SLC2A13: variants seen among roughly 807,000 people sequenced by gnomAD.
The protein encoded by SLC2A13 is solute carrier family 2 member 13.
In SLC2A13, 32 loss-of-function variants were observed where a neutral mutation model predicts 64.4. The ratio of observed to expected loss-of-function variants is 0.50; its 90% confidence interval spans 0.37 to 0.67. The LOEUF (loss-of-function observed/expected upper bound fraction) is 0.67, where lower values mean the gene tolerates loss of function less well. Ranked by LOEUF, SLC2A13 falls within the 30% of genes least tolerant of loss-of-function variation. The pLI is 0.00. For missense variants in SLC2A13, 743 were observed against 829.2 expected (o/e 0.90, Z 1.28); for synonymous variants, 338 against 327.1 (o/e 1.03, Z -0.36).
At chr12:39,852,676 C>A (rs577252647) in intron 6 of SLC2A13, among the ~76,000 whole-genome samples, 134 of 152,286 alleles carry the variant, frequency 8.8e-4, no homozygotes, top group African/African-American at 3.2e-3. Context: ...CAACTTTCCA[C>A]GCTCAAGGAA....
At chr12:39,821,516 T>A (rs939146857) in intron 7 of SLC2A13, among the ~76,000 whole-genome samples, 4 of 152,144 alleles carry the variant, frequency 2.6e-5, no homozygotes, top group African/African-American at 7.2e-5. Context: ...AGAGAGCGAA[T>A]TGCAGTGGGA....
chr12:39,951,146 T>C, intron 4 of SLC2A13, 111 bp downstream of exon 4: 1 of 864,834 alleles, frequency 1.2e-6, no homozygotes, highest in South Asian at 2.4e-5. Flanking sequence ...TTCATACATT[T>C]AATCAGAACA....
At chr12:40,056,937 G>A (rs17489302) in intron 1 of SLC2A13, among the ~76,000 whole-genome samples, 390 of 152,052 alleles carry the variant, frequency 2.6e-3, no homozygotes, top group African/African-American at 9.0e-3. Flanking sequence ...TCGAGATCGC[G>A]CCATTGCACT....
chr12:39,858,226 G>T (rs561559421), intron 6 of SLC2A13, among the ~76,000 whole-genome samples: 166 of 152,226 alleles, frequency 1.1e-3, no homozygotes, highest in African/African-American at 3.9e-3. Flanking sequence ...TGGCAATAAG[G>T]TCACAGGATG....
intron 3 of SLC2A13, among the ~76,000 whole-genome samples, chr12:39,952,679 C>A (rs1403459029): frequency 6.6e-6 from 1 of 152,088 alleles, no homozygotes; most frequent in Non-Finnish European, 1.5e-5. Flanking sequence ...CGTTGATGGT[C>A]ATTCAAAGCT....
intron 7 of SLC2A13, among the ~76,000 whole-genome samples, chr12:39,800,465 C>T (rs1941749323): frequency 7.2e-6 from 1 of 138,942 alleles, no homozygotes; most frequent in African/African-American, 2.7e-5. Context: ...CAAAAGAAGA[C>T]ATTTATGCAG....
intron 7 of SLC2A13, among the ~76,000 whole-genome samples, chr12:39,765,227 T>C (rs111496010): frequency 6.6e-6 from 1 of 152,080 alleles, no homozygotes; most frequent in Admixed American, 6.5e-5. Context: ...CAGAGCCAGA[T>C]ACTTTTCATC....
intron 4 of SLC2A13, among the ~76,000 whole-genome samples, chr12:39,948,453 G>A (rs2136097229): frequency 6.6e-6 from 1 of 152,142 alleles, no homozygotes; most frequent in Middle Eastern, 3.4e-3. Context: ...TAGTAAATAG[G>A]TCAAGGGAAT....
rs758321917 is a variant in SLC2A13 at position 40,105,519 on chromosome 12, T to C, written c.290A>G (p.Tyr97Cys). The stretch of plus-strand genomic sequence containing the variant: ...GGCCCCTGACACCACCCCGGTGTCA[T>C]AGCCAAACAGGAAGCCGCCCAGCGC... ...FSALGGFLFGYDTGVVSGAML... is the reference protein window; with the variant it reads ...FSALGGFLFGCDTGVVSGAML... The change falls in exon 1 of 10, where the codon TAT becomes TGT. Residue 97 changes from tyrosine (Y) to cysteine (C), a missense_variant. Physicochemically the swap from Tyr to Cys is radical, Grantham distance 194. Coordinates refer to ENST00000280871, the MANE Select transcript of SLC2A13 (RefSeq NM_052885.4). The surrounding 1 kb of genome is among the most constrained non-coding windows in gnomAD (Gnocchi z 4.2). 2.8e-5 allele frequency: 45 copies of C among 1,581,754 alleles called. No individual in the cohort carries two copies. Among genetic ancestry groups the C allele is most frequent in the Middle Eastern group, 1.7e-4 (1 of 5,970 alleles).
intron 7 of SLC2A13, among the ~76,000 whole-genome samples, chr12:39,777,468 A>G (rs1197731966): frequency 6.6e-6 from 1 of 152,192 alleles, no homozygotes; most frequent in Non-Finnish European, 1.5e-5. Context: ...GGGAAGTGCT[A>G]GGTAGAGGAG....
intron 3 of SLC2A13, among the ~76,000 whole-genome samples, chr12:40,026,849 G>A (rs1947817758): frequency 6.6e-6 from 1 of 152,186 alleles, no homozygotes; most frequent in South Asian, 2.1e-4. Flanking sequence ...GGAGGCCAAG[G>A]TGGGCAGATC....
chr12:39,788,388 A>G lies in SLC2A13; in HGVS notation c.1446-23530T>C, dbSNP rs1232299799. ...GTGCAATAGTGCAACAGGAAATCTGATAACTGAGAAGACTACTAAATGATT... is the reference window on the plus strand; with the variant it reads ...GTGCAATAGTGCAACAGGAAATCTGGTAACTGAGAAGACTACTAAATGATT... On this transcript the variant is annotated intron_variant, in intron 7 of 9. Transcript: ENST00000280871. Among the ~76,000 whole-genome samples the G allele has an allele frequency of 3.3e-5, 5 of 152,194 alleles. No individual in the cohort carries two copies. In the East Asian group the frequency reaches 9.6e-4, roughly 29 times the overall value.
chr12:39,896,322 A>G (rs982038976), intron 4 of SLC2A13, among the ~76,000 whole-genome samples: 221 of 86,992 alleles, frequency 2.5e-3, no homozygotes, highest in Non-Finnish European at 3.2e-3. Context: ...ATATGTATGT[A>G]TATGTGTATA....
chr12:40,007,943 A>G (rs28370760), intron 3 of SLC2A13, among the ~76,000 whole-genome samples: 3,532 of 152,300 alleles, frequency 0.023, 148 homozygotes, highest in African/African-American at 0.08. Context: ...ATAATATACA[A>G]TGGGTTTTAC....
chr12:39,770,691 C>T (rs1940532910), intron 7 of SLC2A13, among the ~76,000 whole-genome samples: 1 of 152,140 alleles, frequency 6.6e-6, no homozygotes, highest in African/African-American at 2.4e-5. Context: ...ATATGCATAG[C>T]ATAAGTATTA....
At chr12:39,787,414 A>T (rs1941230079) in intron 7 of SLC2A13, among the ~76,000 whole-genome samples, 1 of 152,228 alleles carries the variant, frequency 6.6e-6, no homozygotes. Flanking sequence ...AGTTTTACAC[A>T]TTACAATATT....
chr12:39,962,185 G>A (rs894140124), intron 3 of SLC2A13, among the ~76,000 whole-genome samples: 6 of 152,168 alleles, frequency 3.9e-5, no homozygotes, highest in African/African-American at 9.7e-5. Flanking sequence ...TCTGCCTCCC[G>A]GTTCAAGTGA....
intron 3 of SLC2A13, 53 bp from the exon 4 acceptor site, chr12:39,951,418 T>C (rs1385060474): frequency 2.5e-5 from 36 of 1,423,518 alleles, no homozygotes; most frequent in South Asian, 2.0e-4. Flanking sequence ...TTAGCTCTCA[T>C]AGTAATTATT....
intron 1 of SLC2A13, among the ~76,000 whole-genome samples, chr12:40,090,795 T>A (rs1025406355): frequency 1.3e-5 from 2 of 152,166 alleles, no homozygotes; most frequent in Non-Finnish European, 2.9e-5. Context: ...CTCCCCAGCC[T>A]CAAGAACTAT....
Sources: gnomAD v4.1 joint callset for allele counts (sites outside exome capture counted in the v4.1 genomes callset) on GRCh38, gnomAD v4.1.1 for gene constraint, Gnocchi (gnomAD v3.1) non-coding constraint, MANE v1.5 for transcripts, NCBI Gene and HGNC (gene_info 2026-07-23, HGNC 2026-07-21) for gene names.